The following SNX13 variants were observed in gnomAD, a reference collection of about 807,000 sequenced individuals.
SNX13 encodes sorting nexin 13.
In SNX13, 45 loss-of-function variants were observed where a neutral mutation model predicts 133.6. The observed-to-expected ratio is 0.34, with a 90% CI of 0.27 to 0.43. The LOEUF is 0.43. SNX13 is among the 20% of genes least tolerant of loss of function. The pLI is 1.00. For synonymous variants in SNX13, 414 were observed against 373.9 expected (o/e 1.11, Z -1.24); for missense variants, 1,032 against 1,145.1 (o/e 0.90, Z 1.43).
intron 25 of SNX13, chr7:17,795,470 C>T (rs1032664329): frequency 7.9e-5 from 12 of 151,676 alleles, no homozygotes; most frequent in Non-Finnish European, 1.3e-4. Flanking sequence ...TTCAGATCTT[C>T]ACACCACCAT....
intron 20 of SNX13, among the ~76,000 whole-genome samples, chr7:17,804,170 A>C (rs1784932612): frequency 2.0e-5 from 3 of 152,160 alleles, no homozygotes; most frequent in Admixed American, 2.0e-4. Context: ...TTATTAAAGA[A>C]ATTTTGAATA....
chr7:17,937,845 T>C (rs1010880099), intron 1 of SNX13, among the ~76,000 whole-genome samples: 1 of 152,162 alleles, frequency 6.6e-6, no homozygotes, highest in Non-Finnish European at 1.5e-5. Context: ...CCTACCTCAG[T>C]GTTGAGATGT....
In SNX13 at chr7:17,875,460, A is replaced by C; in HGVS notation, c.664+20T>G. ...CTCTAGCCAGCTACTATTGTCAAAA[A>C]AGTTAAATTAAAAGAAAACCTTCTT... On this transcript the variant is annotated intron_variant, in intron 7 of 25. Coordinates refer to ENST00000428135, the MANE Select transcript of SNX13 (RefSeq NM_015132.5). The C allele has an allele frequency of 1.3e-6, 2 of 1,597,978 alleles. No homozygotes were observed. Among genetic ancestry groups the C allele is most frequent in the South Asian group, 1.1e-5 (1 of 88,438 alleles).
intron 11 of SNX13, among the ~76,000 whole-genome samples, chr7:17,846,767 T>C (rs1295132680): frequency 2.0e-5 from 3 of 152,284 alleles, no homozygotes; most frequent in Middle Eastern, 3.4e-3. Context: ...GAGAGCAATC[T>C]AGAGGCAGCA....
In SNX13 at chr7:17,821,511, G is replaced by C; in HGVS notation, c.1843C>G (p.Gln615Glu). 1 of 1,609,878 alleles carries C rather than the reference G, an allele frequency of 6.2e-7. No homozygotes were observed. Among genetic ancestry groups the C allele is most frequent in the Non-Finnish European group, 8.5e-7 (1 of 1,178,142 alleles). ...ACAAGTTTTTAAAACTTCATTACCT[G>C]TTCAGTGATTCTCATGTGGAAGTCA... ...FHDFHMRITE[Q>E]FESLSSILKL... is the part of the protein sequence containing the mutation. Residue 615 changes from glutamine to glutamate, a missense_variant and splice_region_variant, in exon 18 of 26, where the codon CAG becomes GAG. Gln to Glu is a conservative substitution (Grantham distance 29, BLOSUM62 2). Coordinates refer to ENST00000428135, the MANE Select transcript of SNX13 (RefSeq NM_015132.5).
At chr7:17,886,971 C>CAA (rs544070392) in intron 5 of SNX13, among the ~76,000 whole-genome samples, 1 of 55,894 alleles carries the variant, frequency 1.8e-5, no homozygotes, top group East Asian at 4.3e-4. Context: ...CCTTGCTCTA[C>CAA]AAAAAAAAAA....
chr7:17,824,480 C>T (rs931124273), intron 17 of SNX13, among the ~76,000 whole-genome samples: 5 of 152,004 alleles, frequency 3.3e-5, no homozygotes, highest in African/African-American at 1.2e-4. Context: ...TGCATAATTA[C>T]CAATGTAATG....
chr7:17,794,070 T>G lies in SNX13; in HGVS notation c.2849A>C (p.Gln950Pro), dbSNP rs371129821. 96 of 1,611,266 alleles carry G rather than the reference T, an allele frequency of 6.0e-5. No individual in the cohort carries two copies. The highest frequency in any genetic ancestry group is 1.4e-5 in the Non-Finnish European group (16 of 1,178,212). ...QKYKQKLQTTQAPSLQKR is the reference protein window; with the variant it reads ...QKYKQKLQTTPAPSLQKR ...TCACCTTTTCTGCAAAGAAGGCGCT[T>G]GAGTAGTTTGAAGTTTCTGTTTATA... Residue 950 changes from glutamine (Q) to proline (P), a missense_variant, in exon 26 of 26, where the codon CAA becomes CCA. Coordinates refer to ENST00000428135, the MANE Select transcript of SNX13 (RefSeq NM_015132.5).
chr7:17,868,347 A>G (rs1015555985), intron 9 of SNX13, 60 bp downstream of exon 9: 1 of 1,256,722 alleles, frequency 8.0e-7, no homozygotes, highest in Non-Finnish European at 1.1e-6. Flanking sequence ...TCTCCCAACT[A>G]TATTTTTACA....
chr7:17,849,239 A>G (rs1790915458), intron 11 of SNX13, among the ~76,000 whole-genome samples: 1 of 152,172 alleles, frequency 6.6e-6, no homozygotes, highest in Admixed American at 6.5e-5. Context: ...CAGCACCACT[A>G]TTTATACAGT....
At chr7:17,815,018 T>C (rs1786503287) in intron 19 of SNX13, 74 bp from the exon 20 acceptor site, 7 of 1,315,648 alleles carry the variant, frequency 5.3e-6, no homozygotes, top group East Asian at 3.1e-5. Flanking sequence ...TTGTTTATAA[T>C]TTTAGCTCAT....
chr7:17,901,299 G>C (rs920209256), intron 1 of SNX13, among the ~76,000 whole-genome samples: 1 of 152,152 alleles, frequency 6.6e-6, no homozygotes, highest in Non-Finnish European at 1.5e-5. Flanking sequence ...GAAGGGTGGT[G>C]CAAGTGCTCT....
intron 4 of SNX13, 128 bp from the exon 5 acceptor site, chr7:17,890,612 A>T (rs1796521510): frequency 1.1e-5 from 6 of 546,368 alleles, no homozygotes. Context: ...TATGGTGGTA[A>T]ATACCTGCCC....
chr7:17,905,283 T>A (rs1221673873), intron 1 of SNX13, among the ~76,000 whole-genome samples: 1 of 152,204 alleles, frequency 6.6e-6, no homozygotes, highest in East Asian at 1.9e-4. Context: ...GGAGGCTTCA[T>A]ATTGATTCTA....
chr7:17,921,289 T>C (rs933436094), intron 1 of SNX13, among the ~76,000 whole-genome samples: 1 of 152,196 alleles, frequency 6.6e-6, no homozygotes, highest in Non-Finnish European at 1.5e-5. Context: ...CTTGTTATCC[T>C]TGTTCATCAT....
chr7:17,885,696 C>CGT (rs1795911741), intron 5 of SNX13, among the ~76,000 whole-genome samples: 1 of 152,066 alleles, frequency 6.6e-6, no homozygotes, highest in Non-Finnish European at 1.5e-5. Context: ...GGAGTGGCAG[C>CGT]GTGCACCTGT....
intron 12 of SNX13, among the ~76,000 whole-genome samples, chr7:17,842,095 T>G (rs971884376): frequency 6.6e-6 from 1 of 151,900 alleles, no homozygotes; most frequent in Non-Finnish European, 1.5e-5. Context: ...TTTTCCAAAT[T>G]TGAAGAAAGG....
intron 9 of SNX13, among the ~76,000 whole-genome samples, chr7:17,856,944 T>C (rs971109042): frequency 2.0e-5 from 3 of 151,230 alleles, no homozygotes; most frequent in Non-Finnish European, 4.4e-5. Context: ...ATACAAAAGA[T>C]TGAGTTGAAA....
chr7:17,805,310 T>G (rs1405597201), intron 20 of SNX13, among the ~76,000 whole-genome samples: 1 of 151,658 alleles, frequency 6.6e-6, no homozygotes, highest in African/African-American at 2.4e-5. Flanking sequence ...CTGTAGTTTT[T>G]GGTCAACCAG....
Sources: gnomAD v4.1 joint callset for allele counts (sites outside exome capture counted in the v4.1 genomes callset) on GRCh38, gnomAD v4.1.1 for gene constraint, MANE v1.5 for transcripts, NCBI Gene and HGNC (gene_info 2026-07-23, HGNC 2026-07-21) for gene names.